Variants in ZNF385D observed in about 807,000 individuals in gnomAD.
The protein encoded by ZNF385D is zinc finger protein 659.
In ZNF385D, 15 loss-of-function variants were observed where a neutral mutation model predicts 35.8. The observed-to-expected ratio is 0.42, with a 90% CI of 0.28 to 0.64. The LOEUF (loss-of-function observed/expected upper bound fraction) is 0.64. Ranked by LOEUF, ZNF385D falls within the 30% of genes least tolerant of loss-of-function variation. ZNF385D has a pLI of 0.23. For synonymous variants in ZNF385D, 212 were observed against 186.8 expected, an observed-to-expected ratio of 1.13 and a Z score of -1.10; for missense variants, 474 against 494.6, an observed-to-expected ratio of 0.96 and a Z score of 0.39.
intron 3 of ZNF385D, among the ~76,000 whole-genome samples, chr3:21,941,999 G>A (rs184984186): frequency 2.1e-3 from 315 of 152,120 alleles, no homozygotes; most frequent in Non-Finnish European, 3.7e-3. Context: ...GGGAAATTCC[G>A]CTTTCCTGGA....
intron 3 of ZNF385D, among the ~76,000 whole-genome samples, chr3:21,763,338 A>G (rs868247007): frequency 2.6e-5 from 4 of 152,330 alleles, no homozygotes; most frequent in Middle Eastern, 6.8e-3. Context: ...GTAATAACTC[A>G]GCATTTTATC....
intron 1 of ZNF385D, among the ~76,000 whole-genome samples, chr3:21,689,461 T>C (rs952381824): frequency 6.6e-6 from 1 of 152,152 alleles, no homozygotes; most frequent in Non-Finnish European, 1.5e-5. Context: ...CTTTAGCAAC[T>C]TGAAAAGGGT....
chr3:21,605,005 A>C (rs1455689661), intron 2 of ZNF385D, among the ~76,000 whole-genome samples: 3 of 152,228 alleles, frequency 2.0e-5, no homozygotes, highest in Non-Finnish European at 4.4e-5. Flanking sequence ...CTCTGACACT[A>C]GAGAGAGGCA....
chr3:21,810,781 T>G (rs2072883541), intron 3 of ZNF385D, among the ~76,000 whole-genome samples: 1 of 152,014 alleles, frequency 6.6e-6, no homozygotes, highest in African/African-American at 2.4e-5. Context: ...GAGACATCCC[T>G]ACACAATATT....
chr3:21,486,929 C>T (rs115368086), intron 4 of ZNF385D, among the ~76,000 whole-genome samples: 1 of 151,924 alleles, frequency 6.6e-6, no homozygotes, highest in Non-Finnish European at 1.5e-5. Flanking sequence ...TAGCTATGAA[C>T]AAGATACATA....
intron 2 of ZNF385D, among the ~76,000 whole-genome samples, chr3:22,300,251 C>T (rs1300368984): frequency 6.6e-6 from 1 of 151,786 alleles, no homozygotes; most frequent in Admixed American, 6.6e-5. Context: ...TGGATTTTTG[C>T]ATGCAGAATG....
At chr3:22,311,584 A>G (rs913472676) in intron 2 of ZNF385D, among the ~76,000 whole-genome samples, 3 of 152,142 alleles carry the variant, frequency 2.0e-5, no homozygotes, top group African/African-American at 7.2e-5. Flanking sequence ...CAAGGAAAAA[A>G]TATTTCTAAA....
At chr3:22,166,325 T>C (rs1302630205) in intron 3 of ZNF385D, among the ~76,000 whole-genome samples, 2 of 152,182 alleles carry the variant, frequency 1.3e-5, no homozygotes, top group African/African-American at 4.8e-5. Context: ...ATCAAAGAAT[T>C]TGAGGAATAT....
At position 21,751,027 on chromosome 3, in the gene ZNF385D, G is replaced by T. The variant is rs1179442176; in HGVS notation, c.-111C>A. 7 of 1,590,348 alleles carry T rather than the reference G, an allele frequency of 4.4e-6. No individual in the cohort carries two copies. The highest frequency in any genetic ancestry group is 1.1e-5 in the South Asian group (1 of 87,726). On this transcript the variant is annotated 5_prime_UTR_variant, in exon 1 of 8. Coordinates refer to ENST00000281523, the MANE Select transcript of ZNF385D (RefSeq NM_024697.3). ...TACATTCGGTGGAAATGTCCCCGGC[G>T]TGGAGAGCAGTGAGCGCCGAGAGCG...
At chr3:22,181,267 C>T (rs1364150692) in intron 2 of ZNF385D, among the ~76,000 whole-genome samples, 1 of 152,044 alleles carries the variant, frequency 6.6e-6, no homozygotes, top group Non-Finnish European at 1.5e-5. Flanking sequence ...ATAAATTTCC[C>T]TGAAAATTTA....
intron 2 of ZNF385D, among the ~76,000 whole-genome samples, chr3:21,608,890 A>T (rs1225791489): frequency 6.6e-6 from 1 of 152,222 alleles, no homozygotes; most frequent in African/African-American, 2.4e-5. Flanking sequence ...ATCCATTCTT[A>T]TATCAGTGTA....
At chr3:22,132,433 CA>C (rs751855096) in intron 3 of ZNF385D, among the ~76,000 whole-genome samples, 5 of 152,168 alleles carry the variant, frequency 3.3e-5, no homozygotes, top group South Asian at 2.1e-4. Flanking sequence ...TTTGTAATAG[CA>C]GTTCAAACAC....
chr3:22,229,357 T>C (rs1290552582), intron 2 of ZNF385D, among the ~76,000 whole-genome samples: 2 of 152,154 alleles, frequency 1.3e-5, no homozygotes, highest in African/African-American at 2.4e-5. Context: ...GACCCCAACT[T>C]AGGTTGTGGT....
chr3:22,298,545 A>G (rs1431855180), intron 2 of ZNF385D, among the ~76,000 whole-genome samples: 1 of 141,714 alleles, frequency 7.1e-6, no homozygotes, highest in Non-Finnish European at 1.5e-5. Context: ...TAAAACATTT[A>G]TGTATATACA....
At chr3:22,036,146 TA>T (rs1698301797) in intron 3 of ZNF385D, among the ~76,000 whole-genome samples, 1 of 152,168 alleles carries the variant, frequency 6.6e-6, no homozygotes, top group Non-Finnish European at 1.5e-5. Flanking sequence ...AAAATGTGGT[TA>T]TAACAGTAGA....
intron 3 of ZNF385D, among the ~76,000 whole-genome samples, chr3:21,972,849 A>G (rs1703350407): frequency 2.6e-5 from 4 of 151,968 alleles, no homozygotes; most frequent in Non-Finnish European, 5.9e-5. Context: ...TAGACACACA[A>G]TCTACTAAGA....
intron 2 of ZNF385D, among the ~76,000 whole-genome samples, chr3:21,604,773 T>C (rs977439774): frequency 7.9e-5 from 12 of 152,074 alleles, no homozygotes; most frequent in Admixed American, 1.3e-4. Context: ...TCAGCTGCTA[T>C]AGGAAACTCT....
intron 2 of ZNF385D, among the ~76,000 whole-genome samples, chr3:22,204,599 CAAAG>C (rs930247668): frequency 2.0e-5 from 3 of 151,716 alleles, no homozygotes; most frequent in South Asian, 2.1e-4. Context: ...TAAGGAAACT[CAAAG>C]AAATTCAAGA....
intron 2 of ZNF385D, among the ~76,000 whole-genome samples, chr3:22,363,839 T>C (rs531153999): frequency 2.0e-5 from 3 of 152,262 alleles, no homozygotes; most frequent in South Asian, 4.1e-4. Flanking sequence ...GAGTACTGCA[T>C]AGATCACATT....
Sources: allele counts gnomAD v4.1 joint callset (sites outside exome capture counted in the v4.1 genomes callset), GRCh38; gene constraint gnomAD v4.1.1; transcripts MANE v1.5; gene names NCBI Gene and HGNC (gene_info 2026-07-23, HGNC 2026-07-21).